The following TMOD2 variants were observed in gnomAD, a reference collection of about 807,000 sequenced individuals.
TMOD2 encodes the protein tropomodulin-2.
Under a neutral mutation model 39.9 loss-of-function variants are expected in TMOD2, and 22 were observed. That is an observed-to-expected ratio of 0.55 (90% CI 0.39 to 0.79). TMOD2 has a LOEUF of 0.79. Ranked by LOEUF, TMOD2 falls within the 30% of genes least tolerant of loss-of-function variation. The pLI is 0.00. For synonymous variants in TMOD2, 123 were observed against 146.1 expected (o/e 0.84, Z 1.14); for missense variants, 386 against 413.3 (o/e 0.93, Z 0.57).
chr15:51,801,442 C>T (rs1341254714), intron 8 of TMOD2, among the ~76,000 whole-genome samples: 2 of 152,108 alleles, frequency 1.3e-5, no homozygotes, highest in African/African-American at 4.8e-5. Flanking sequence ...TAGAAGTAAC[C>T]TCAGTTTCCT....
intron 1 of TMOD2, among the ~76,000 whole-genome samples, chr15:51,763,705 G>T (rs1406867735): frequency 1.3e-5 from 2 of 152,118 alleles, no homozygotes. Context: ...TTGTCCCTGG[G>T]ATTTCCTTCC....
At chr15:51,770,725 A>G (rs1212437243) in intron 3 of TMOD2, among the ~76,000 whole-genome samples, 6 of 152,148 alleles carry the variant, frequency 3.9e-5, no homozygotes, top group African/African-American at 1.4e-4. Flanking sequence ...GGATCCCATG[A>G]ACCCAGGAGT....
At position 51,795,577 on chromosome 15, in the gene TMOD2, G is replaced by GCTTTCTTT. The variant is rs202116010; in HGVS notation, c.733-2565_733-2558dup. Among the ~76,000 whole-genome samples, 106 of 42,046 alleles carry GCTTTCTTT rather than the reference G, an allele frequency of 2.5e-3. 1 individual carries two copies. Among genetic ancestry groups the GCTTTCTTT allele is most frequent in the East Asian group, 0.013 (30 of 2,364 alleles). 27.6% of individuals were successfully genotyped at this position (42,046 alleles called of 152,430 possible). On this transcript the variant is annotated intron_variant, in intron 7 of 9. Coordinates refer to ENST00000249700, the MANE Select transcript of TMOD2 (RefSeq NM_014548.4). The stretch of plus-strand genomic sequence containing the variant: ...CTTCTTCTCTTCTGCTTGCTTGCTT[G>GCTTTCTTT]CTTTCTTTCTTTCTTTCTTTCTTTC...
chr15:51,796,190 C>T (rs2141637758), intron 7 of TMOD2, among the ~76,000 whole-genome samples: 1 of 152,072 alleles, frequency 6.6e-6, no homozygotes, highest in Non-Finnish European at 1.5e-5. Context: ...AAAAAGGAGG[C>T]CCCTTTATTT....
rs147781487 is a variant in TMOD2 at position 51,814,436 on chromosome 15, T to G, written c.*5982T>G. Reference sequence around the variant, plus strand: ...AGTAATATTTCTGCTAAGAAAGGTTTTGAAGCATGGCCTCCAATGACTTTC... The same window carrying G: ...AGTAATATTTCTGCTAAGAAAGGTTGTGAAGCATGGCCTCCAATGACTTTC... On this transcript the variant is annotated 3_prime_UTR_variant, in exon 10 of 10. Transcript: ENST00000249700. 1 of 152,356 alleles carries G rather than the reference T, an allele frequency of 6.6e-6. No homozygotes were observed. Among genetic ancestry groups the G allele is most frequent in the East Asian group, 1.9e-4 (1 of 5,186 alleles). 9.4% of individuals were successfully genotyped at this position (152,356 alleles called of 1,614,324 possible). A position where few individuals can be genotyped will look rare whatever the true frequency, so the allele number is the denominator to read the frequency against.
intron 3 of TMOD2, 112 bp from the exon 4 acceptor site, chr15:51,773,600 C>A: frequency 9.2e-7 from 1 of 1,082,736 alleles, no homozygotes; most frequent in Non-Finnish European, 1.3e-6. Flanking sequence ...TGGATATGAA[C>A]TGGCTTAATT....
At chr15:51,759,562 A>G (rs2055764908) in intron 1 of TMOD2, among the ~76,000 whole-genome samples, 1 of 152,184 alleles carries the variant, frequency 6.6e-6, no homozygotes. Context: ...GGTCAGAGAA[A>G]TAGAAGAAAA....
chr15:51,764,097 A>G (rs75672309), intron 1 of TMOD2, among the ~76,000 whole-genome samples: 1 of 148,356 alleles, frequency 6.7e-6, no homozygotes, highest in Non-Finnish European at 1.5e-5. Flanking sequence ...AAAAAAAAAA[A>G]GGAGGGCTGG....
chr15:51,783,217 C>G (rs1380252559), intron 7 of TMOD2: 1 of 189,488 alleles, frequency 5.3e-6, no homozygotes, highest in Non-Finnish European at 1.1e-5. Flanking sequence ...GGCGCGGTAG[C>G]TCATGCCTGT....
intron 8 of TMOD2, among the ~76,000 whole-genome samples, chr15:51,805,556 A>G (rs1014369276): frequency 5.9e-5 from 9 of 152,246 alleles, no homozygotes; most frequent in Admixed American, 5.9e-4. Context: ...TGATAGCACA[A>G]ATATAACATG....
At chr15:51,782,907 C>A in intron 7 of TMOD2, 79 bp downstream of exon 7, 1 of 1,377,836 alleles carries the variant, frequency 7.3e-7, no homozygotes, top group Non-Finnish European at 1.0e-6. Flanking sequence ...CATTAGCTAA[C>A]AATTTTTTAG....
rs1259526181 is a variant in TMOD2, at chr15:51,785,885, T to C, written c.732+3057T>C. The stretch of plus-strand genomic sequence containing the variant: ...TCACTGCAAACACATTGTATAAAGG[T>C]ATCAAAATATTACATACACCCCCAA... On this transcript the variant is annotated intron_variant, in intron 7 of 9. Transcript: ENST00000249700. 5.9e-5 allele frequency among the ~76,000 whole-genome samples: 9 copies of C among 152,126 alleles called. No homozygotes were observed. The South Asian group carries it at 1.0e-3, about 18-fold the overall frequency.
At chr15:51,763,932 G>T (rs747448146) in intron 1 of TMOD2, among the ~76,000 whole-genome samples, 4 of 152,142 alleles carry the variant, frequency 2.6e-5, no homozygotes, top group Non-Finnish European at 5.9e-5. Flanking sequence ...TCATTTGATG[G>T]ATAAGGGCCT....
chr15:51,784,015 A>C (rs756507108), intron 7 of TMOD2: 3 of 152,200 alleles, frequency 2.0e-5, no homozygotes, highest in Non-Finnish European at 2.9e-5. Context: ...GCAGCATCTC[A>C]TCCATTTGTC....
Position 51,768,326 on chromosome 15 carries a change from T to C in TMOD2, c.191T>C (p.Phe64Ser). The change falls in exon 3 of 10, where the codon TTT (phenylalanine) becomes TCT (serine). Residue 64 changes from phenylalanine to serine, a missense_variant. Coordinates refer to ENST00000249700, the MANE Select transcript of TMOD2 (RefSeq NM_014548.4). ...DQTQKAATGP[F>S]DREHLLMYLE... Reference sequence around the variant, plus strand: ...ACACAGAAGGCAGCCACCGGCCCCTTTGACCGCGAGCACCTCCTCATGTAC... The same window carrying C: ...ACACAGAAGGCAGCCACCGGCCCCTCTGACCGCGAGCACCTCCTCATGTAC... The C allele has an allele frequency of 6.2e-7, 1 of 1,614,176 alleles. No homozygotes were observed. The highest frequency in any genetic ancestry group is 1.7e-5 in the Admixed American group (1 of 60,020).
intron 1 of TMOD2, among the ~76,000 whole-genome samples, chr15:51,765,677 C>T (rs11070868): frequency 0.4 from 61,290 of 151,672 alleles, 12,517 homozygotes; most frequent in Middle Eastern, 0.45. Context: ...AAATAAGGGT[C>T]GAGAGAAGAA....
At chr15:51,788,043 T>C (rs2055983087) in intron 7 of TMOD2, among the ~76,000 whole-genome samples, 1 of 152,140 alleles carries the variant, frequency 6.6e-6, no homozygotes, top group Non-Finnish European at 1.5e-5. Flanking sequence ...AGGTCGGTAA[T>C]AACAAACTTC....
At chr15:51,752,420 T>A (rs1000101765) in intron 1 of TMOD2, 1 of 152,154 alleles carries the variant, frequency 6.6e-6, no homozygotes. Context: ...GGTAGGAAGG[T>A]GATGCCGTCA....
At chr15:51,805,375 G>T (rs1407876705) in intron 8 of TMOD2, among the ~76,000 whole-genome samples, 1 of 151,872 alleles carries the variant, frequency 6.6e-6, no homozygotes, top group East Asian at 1.9e-4. Flanking sequence ...TTTTTTTGTA[G>T]TCCAGGAACC....
Sources: allele counts gnomAD v4.1 joint callset (sites outside exome capture counted in the v4.1 genomes callset), GRCh38; gene constraint gnomAD v4.1.1; transcripts MANE v1.5; gene names NCBI Gene and HGNC (gene_info 2026-07-23, HGNC 2026-07-21).